The following SLC29A3 variants were observed in gnomAD, a reference collection of about 807,000 sequenced individuals.
SLC29A3 encodes solute carrier family 29 member 3.
A neutral mutation model predicts 25.4 loss-of-function variants in SLC29A3; 18 were observed. The ratio of observed to expected loss-of-function variants is 0.71; its 90% CI spans 0.49 to 1.05. The LOEUF (loss-of-function observed/expected upper bound fraction) is 1.05, where lower values mean the gene tolerates loss of function less well. SLC29A3 is among the 50% of genes least tolerant of loss of function. The pLI, the probability that SLC29A3 is intolerant of heterozygous loss-of-function variation, is 0.00. For missense variants in SLC29A3, 586 were observed against 609.0 expected, an observed-to-expected ratio of 0.96 and a Z score of 0.40; for synonymous variants, 258 against 267.1, an observed-to-expected ratio of 0.97 and a Z score of 0.33.
At chr10:71,329,818 C>T (rs1021000426) in intron 2 of SLC29A3, among the ~76,000 whole-genome samples, 1 of 152,182 alleles carries the variant, frequency 6.6e-6, no homozygotes, top group Non-Finnish European at 1.5e-5. Flanking sequence ...ACCCATTAAC[C>T]CATTAAACAG....
chr10:71,355,793 C>T (rs1846888570), intron 4 of SLC29A3, among the ~76,000 whole-genome samples: 1 of 152,150 alleles, frequency 6.6e-6, no homozygotes. Context: ...ACAGGAAAGG[C>T]AGAGGACTGG....
At chr10:71,320,907 C>G (rs191872980) in intron 1 of SLC29A3, among the ~76,000 whole-genome samples, 133 of 152,332 alleles carry the variant, frequency 8.7e-4, no homozygotes, top group Admixed American at 2.1e-3. Context: ...CCAGCCAGTC[C>G]TCCCCGGTGT....
chr10:71,368,888 T>C (rs1015397546), intron 3 of SLC29A3, among the ~76,000 whole-genome samples: 2 of 152,202 alleles, frequency 1.3e-5, no homozygotes, highest in Non-Finnish European at 2.9e-5. Flanking sequence ...TCTCTGGTTA[T>C]GATGATATAC....
chr10:71,380,186 A>C (rs1007777748), exon 5 of SLC29A3: 1 of 151,932 alleles, frequency 6.6e-6, no homozygotes, highest in African/African-American at 2.4e-5. Context: ...CGGCTTTTAC[A>C]CTTAAGAGGA....
chr10:71,363,375 T>G lies in SLC29A3; in HGVS notation c.*767T>G, dbSNP rs965918025. ...TTGGTTCAAGGGCGTAATAAATACT[T>G]GCGTATTCAATGTAAGCCTCATTGA... On this transcript the variant is annotated 3_prime_UTR_variant, in exon 6 of 6. Coordinates refer to ENST00000373189, the MANE Select transcript of SLC29A3 (RefSeq NM_018344.6). 1 of 453,960 alleles carries G rather than the reference T, an allele frequency of 2.2e-6. No individual in the cohort carries two copies. The highest frequency in any genetic ancestry group is 4.4e-6 in the Non-Finnish European group (1 of 226,790). 28.1% of individuals were successfully genotyped at this position (453,960 alleles called of 1,614,324 possible).
chr10:71,356,625 A>G (rs538307495), intron 5 of SLC29A3, among the ~76,000 whole-genome samples: 8 of 152,172 alleles, frequency 5.3e-5, no homozygotes, highest in Non-Finnish European at 1.2e-4. Context: ...CAGGAGTTCA[A>G]GACCCATTCT....
chr10:71,370,124 A>G (rs1209873241), intron 3 of SLC29A3, among the ~76,000 whole-genome samples: 1 of 152,170 alleles, frequency 6.6e-6, no homozygotes, highest in Non-Finnish European at 1.5e-5. Flanking sequence ...AGGCACTTGA[A>G]ACATAAGGTT....
At chr10:71,350,175 T>C (rs1037497184) in intron 3 of SLC29A3, among the ~76,000 whole-genome samples, 1 of 152,182 alleles carries the variant, frequency 6.6e-6, no homozygotes, top group Non-Finnish European at 1.5e-5. Context: ...TTGGGCTTCC[T>C]CATACCCCTT....
chr10:71,357,593 A>G (rs1255458968), intron 5 of SLC29A3, among the ~76,000 whole-genome samples: 1 of 152,194 alleles, frequency 6.6e-6, no homozygotes, highest in Non-Finnish European at 1.5e-5. Flanking sequence ...CAGAGCCAGT[A>G]GGCAGTAGAG....
chr10:71,350,386 T>TA (rs538258026), intron 3 of SLC29A3, among the ~76,000 whole-genome samples: 2 of 151,338 alleles, frequency 1.3e-5, no homozygotes, highest in African/African-American at 2.4e-5. Context: ...TTTTTTTAAT[T>TA]AAAAAAAAGT....
At position 71,362,219 on chromosome 10, in the gene SLC29A3, A is replaced by G; in HGVS notation, c.1039A>G (p.Ile347Val). The change falls in exon 6 of 6, where the codon ATC becomes GTC. Residue 347 changes from isoleucine to valine, a missense_variant. Ile to Val is a conservative substitution (Grantham distance 29). Transcript: ENST00000373189. ...CTCACTGTGGACCACCAAGTTTTTC[A>G]TCCCCCTCACTACCTTCCTCCTGTA... ...SGSLWTTKFF[I>V]PLTTFLLYNF... 1 of 1,614,022 alleles carries G rather than the reference A, an allele frequency of 6.2e-7. No homozygotes were observed. Among genetic ancestry groups the G allele is most frequent in the Non-Finnish European group, 8.5e-7 (1 of 1,179,994 alleles).
intron 2 of SLC29A3, among the ~76,000 whole-genome samples, chr10:71,334,365 G>A (rs921422290): frequency 3.3e-5 from 5 of 152,194 alleles, no homozygotes; most frequent in Admixed American, 1.3e-4. Flanking sequence ...GATTTGGCCC[G>A]GGGGTAACCC....
chr10:71,327,682 G>A (rs1388444554), intron 2 of SLC29A3, among the ~76,000 whole-genome samples: 1 of 152,042 alleles, frequency 6.6e-6, no homozygotes, highest in East Asian at 1.9e-4. Flanking sequence ...AGAGTGGTAT[G>A]TAGGGTACTA....
chr10:71,349,295 G>A (rs1369052006), intron 3 of SLC29A3, among the ~76,000 whole-genome samples: 1 of 152,082 alleles, frequency 6.6e-6, no homozygotes, highest in Non-Finnish European at 1.5e-5. Flanking sequence ...TGGATCTAGG[G>A]GATCTCCTCT....
In SLC29A3 at chr10:71,354,594, A is replaced by G. The variant is rs1846848286; in HGVS notation, c.611-1487A>G. On this transcript the variant is annotated intron_variant, in intron 4 of 5. Coordinates refer to ENST00000373189, the MANE Select transcript of SLC29A3 (RefSeq NM_018344.6). ...TCCCCCTTCCCCTCTGCTTCGTGCAATAGTGGGCAGGAAAGTGGTGCTGTG... is the reference window on the plus strand; with the variant it reads ...TCCCCCTTCCCCTCTGCTTCGTGCAGTAGTGGGCAGGAAAGTGGTGCTGTG... 2.0e-5 allele frequency among the ~76,000 whole-genome samples: 3 copies of G among 152,158 alleles called. No individual in the cohort carries two copies. In the South Asian group the frequency reaches 6.2e-4, roughly 31 times the overall value.
intron 1 of SLC29A3, among the ~76,000 whole-genome samples, chr10:71,322,520 G>C (rs1845868982): frequency 6.6e-6 from 1 of 152,184 alleles, no homozygotes; most frequent in Non-Finnish European, 1.5e-5. Context: ...GCCCTTGCAT[G>C]GTTGGGGTGA....
In SLC29A3 at chr10:71,356,764, T is replaced by C. The variant is rs143752998; in HGVS notation, c.773+521T>C. Among the ~76,000 whole-genome samples the C allele has an allele frequency of 1.3e-3, 192 of 152,326 alleles. 1 individual carries two copies. Among genetic ancestry groups the C allele is most frequent in the African/African-American group, 4.3e-3 (177 of 41,574 alleles). Reference sequence around the variant, plus strand: ...TCACTTGAGCCCAGGAGTTGGAGGCTGCAGTGAGCTGACTGCACTACTGCA... The same window carrying C: ...TCACTTGAGCCCAGGAGTTGGAGGCCGCAGTGAGCTGACTGCACTACTGCA... On this transcript the variant is annotated intron_variant, in intron 5 of 5. Coordinates refer to ENST00000373189, the MANE Select transcript of SLC29A3 (RefSeq NM_018344.6).
intron 4 of SLC29A3, among the ~76,000 whole-genome samples, chr10:71,355,004 AG>A (rs1403692494): frequency 9.9e-4 from 151 of 152,304 alleles, no homozygotes; most frequent in Non-Finnish European, 2.5e-4. Context: ...CATGGCTGTG[AG>A]GGTTCGAAGG....
At chr10:71,367,183 G>A (rs535885330), downstream of SLC29A3, among the ~76,000 whole-genome samples, 1 of 135,660 alleles carries the variant, frequency 7.4e-6, no homozygotes, top group East Asian at 2.1e-4. Flanking sequence ...CACAAGGGGA[G>A]GCGGGGGGCC....
Sources: allele counts gnomAD v4.1 joint callset (sites outside exome capture counted in the v4.1 genomes callset), GRCh38; gene constraint gnomAD v4.1.1; transcripts MANE v1.5; gene names NCBI Gene and HGNC (gene_info 2026-07-23, HGNC 2026-07-21).